Variants in RAP2A observed in about 807,000 individuals in gnomAD.
The protein encoded by RAP2A is ras-related protein Rap-2a.
A neutral mutation model predicts 15.1 loss-of-function variants in RAP2A; 5 were observed. The observed-to-expected ratio is 0.33, with a 90% CI of 0.17 to 0.70. RAP2A has a LOEUF of 0.70. Among genes scored for constraint, RAP2A ranks in the 30% least tolerant of loss-of-function variants. The probability of loss-of-function intolerance (pLI) is 0.68; values close to 1 mark genes in which losing one functional copy is unlikely to be tolerated. For synonymous variants in RAP2A, 110 were observed against 99.7 expected (o/e 1.10, Z -0.62); for missense variants, 111 against 240.3 (o/e 0.46, Z 3.56).
intron 1 of RAP2A, among the ~76,000 whole-genome samples, chr13:97,460,089 A>AG (rs2066740085): frequency 6.6e-6 from 1 of 152,228 alleles, no homozygotes; most frequent in African/African-American, 2.4e-5. Flanking sequence ...GGAACTGCCT[A>AG]GGTCATGAGT....
chr13:97,462,612 A>G (rs190776909), intron 1 of RAP2A, among the ~76,000 whole-genome samples: 7 of 152,342 alleles, frequency 4.6e-5, no homozygotes, highest in Non-Finnish European at 7.3e-5. Flanking sequence ...GTAAATTTAT[A>G]TAAAGTCCTT....
At chr13:97,444,386 CAGT>C in intron 1 of RAP2A, among the ~76,000 whole-genome samples, 1 of 152,150 alleles carries the variant, frequency 6.6e-6, no homozygotes, top group Non-Finnish European at 1.5e-5. Context: ...TTAATAATGA[CAGT>C]AGACCTCTTT....
At chr13:97,452,644 ACACACG>A (rs1332204185) in intron 1 of RAP2A, among the ~76,000 whole-genome samples, 2 of 100,754 alleles carry the variant, frequency 2.0e-5, no homozygotes, top group East Asian at 4.5e-4. Context: ...TCACACACAC[ACACACG>A]CACACACACA....
intron 1 of RAP2A, among the ~76,000 whole-genome samples, chr13:97,441,612 TTC>T (rs777035358): frequency 3.7e-4 from 56 of 152,112 alleles, no homozygotes; most frequent in Admixed American, 5.9e-4. Flanking sequence ...TTCTTTTCAG[TTC>T]TCTTTTAGTC....
chr13:97,462,044 A>T (rs1005839649), intron 1 of RAP2A, among the ~76,000 whole-genome samples: 1 of 132,342 alleles, frequency 7.6e-6, no homozygotes, highest in Non-Finnish European at 1.6e-5. Context: ...ATATATATTT[A>T]TATATATATT....
At chr13:97,462,457 A>C (rs2066752035) in intron 1 of RAP2A, among the ~76,000 whole-genome samples, 1 of 152,154 alleles carries the variant, frequency 6.6e-6, no homozygotes, top group African/African-American at 2.4e-5. Flanking sequence ...CTTTATTCTC[A>C]CTGCCACTTG....
chr13:97,443,369 G>GCT (rs768308296), intron 1 of RAP2A, among the ~76,000 whole-genome samples: 12 of 152,070 alleles, frequency 7.9e-5, no homozygotes, highest in Non-Finnish European at 1.5e-4. Context: ...TATCTTTACA[G>GCT]CTCTCTCTCT....
intron 1 of RAP2A, among the ~76,000 whole-genome samples, chr13:97,463,474 G>C (rs1051282563): frequency 6.6e-6 from 1 of 152,222 alleles, no homozygotes; most frequent in African/African-American, 2.4e-5. Flanking sequence ...ATTCTTGTCA[G>C]TCTTAAAAGA....
At chr13:97,453,892 A>C (rs1227479034) in intron 1 of RAP2A, among the ~76,000 whole-genome samples, 1 of 151,240 alleles carries the variant, frequency 6.6e-6, no homozygotes, top group Non-Finnish European at 1.5e-5. Flanking sequence ...ATTATGATAA[A>C]TGGCAAATGA....
chr13:97,440,628 T>C (rs1446253027), intron 1 of RAP2A, among the ~76,000 whole-genome samples: 1 of 151,992 alleles, frequency 6.6e-6, no homozygotes, highest in Non-Finnish European at 1.5e-5. Context: ...TTTTTCATGA[T>C]CTTTTTTTCT....
chr13:97,446,087 C>A (rs953149256), intron 1 of RAP2A, among the ~76,000 whole-genome samples: 1 of 152,110 alleles, frequency 6.6e-6, no homozygotes, highest in Middle Eastern at 3.2e-3. Flanking sequence ...TGAATAAGTA[C>A]CATTGCTTCA....
chr13:97,458,747 T>A (rs1433606895), intron 1 of RAP2A, among the ~76,000 whole-genome samples: 1 of 152,082 alleles, frequency 6.6e-6, no homozygotes, highest in Non-Finnish European at 1.5e-5. Context: ...TATACATACC[T>A]ACATATCAGG....
At chr13:97,438,884 T>G (rs2066645204) in intron 1 of RAP2A, among the ~76,000 whole-genome samples, 1 of 152,148 alleles carries the variant, frequency 6.6e-6, no homozygotes, top group South Asian at 2.1e-4. Flanking sequence ...AGAAAAGTAT[T>G]TGTATTGTTG....
At position 97,451,663 on chromosome 13, in the gene RAP2A, T is replaced by C. The variant is rs77382861; in HGVS notation, c.315-12542T>C. Among the ~76,000 whole-genome samples, 26 of 133,620 alleles carry C rather than the reference T, an allele frequency of 1.9e-4. No individual in the cohort carries two copies. In the East Asian group the frequency reaches 5.0e-3, roughly 26 times the overall value. 87.7% of individuals were successfully genotyped at this position (133,620 alleles called of 152,430 possible). Reference sequence around the variant, plus strand: ...ACATATCTTTTGGTGAATGAATATGTGTATACTTTCTTTTGGTGTAGCATT... The same window carrying C: ...ACATATCTTTTGGTGAATGAATATGCGTATACTTTCTTTTGGTGTAGCATT... On this transcript the variant is annotated intron_variant, in intron 1 of 1. Coordinates refer to ENST00000245304, the MANE Select transcript of RAP2A (RefSeq NM_021033.7).
Position 97,434,710 on chromosome 13 carries a change from C to T in RAP2A, c.240C>T (p.Leu80=). The T allele has an allele frequency of 6.2e-7, 1 of 1,614,162 alleles. No homozygotes were observed. ...TCAAGAACGGCCAGGGCTTCATCCT[C>T]GTCTACAGCCTCGTCAACCAGCAGA... is the stretch of plus-strand genomic sequence containing the variant. ...LYIKNGQGFI[L]VYSLVNQQSF... is the part of the protein sequence containing the mutation. The change falls in exon 1 of 2, where the codon CTC becomes CTT. Residue 80 remains leucine (L), a synonymous_variant. Coordinates refer to ENST00000245304, the MANE Select transcript of RAP2A (RefSeq NM_021033.7).
chr13:97,451,980 ATTATC>A (rs1381455900), intron 1 of RAP2A, among the ~76,000 whole-genome samples: 1 of 150,912 alleles, frequency 6.6e-6, no homozygotes, highest in African/African-American at 2.4e-5. Flanking sequence ...TAAAAATTGG[ATTATC>A]TTTTTTTATA....
chr13:97,440,165 C>G (rs898622024), intron 1 of RAP2A, among the ~76,000 whole-genome samples: 1 of 152,096 alleles, frequency 6.6e-6, no homozygotes, highest in Non-Finnish European at 1.5e-5. Context: ...CTAAAAATAC[C>G]TGCTTCCCCA....
intron 1 of RAP2A, among the ~76,000 whole-genome samples, chr13:97,441,558 C>T (rs934620882): frequency 6.6e-6 from 1 of 151,988 alleles, no homozygotes. Flanking sequence ...TACATAAAAC[C>T]AAGTACACTG....
intron 1 of RAP2A, chr13:97,441,694 T>G: frequency 4.7e-6 from 2 of 421,130 alleles, no homozygotes; most frequent in South Asian, 3.5e-5. Context: ...TGCTTCTGTT[T>G]TGATTTTTCC....
Sources: allele counts gnomAD v4.1 joint callset (sites outside exome capture counted in the v4.1 genomes callset), GRCh38; gene constraint gnomAD v4.1.1; transcripts MANE v1.5; gene names NCBI Gene and HGNC (gene_info 2026-07-23, HGNC 2026-07-21).